The following USH2A variants were observed in gnomAD, a reference collection of about 807,000 sequenced individuals.
The protein encoded by USH2A is Usher syndrome 2A (autosomal recessive, mild).
A neutral mutation model predicts 538.9 loss-of-function variants in USH2A; 443 were observed. The observed-to-expected ratio is 0.82, with a 90% CI of 0.76 to 0.89. USH2A has a LOEUF of 0.89. Among genes scored for constraint, USH2A ranks in the 40% least tolerant of loss-of-function variants. The probability of loss-of-function intolerance (pLI) is 0.00; values close to 1 mark genes in which losing one functional copy is unlikely to be tolerated. For synonymous variants in USH2A, 2,413 were observed against 2,273.5 expected, an observed-to-expected ratio of 1.06 and a Z score of -1.75; for missense variants, 6,633 against 6,324.8, an observed-to-expected ratio of 1.05 and a Z score of -1.65.
chr1:216,140,091 T>C (rs558847922), intron 21 of USH2A, among the ~76,000 whole-genome samples: 1 of 152,340 alleles, frequency 6.6e-6, no homozygotes, highest in Non-Finnish European at 1.5e-5. Context: ...CCTTATCAAA[T>C]GTGGCTAAAG....
intron 32 of USH2A, among the ~76,000 whole-genome samples, chr1:216,010,333 C>T (rs1668528755): frequency 6.6e-6 from 1 of 152,146 alleles, no homozygotes; most frequent in Admixed American, 6.5e-5. Flanking sequence ...CCCAGGATTC[C>T]TCCTAAGCCA....
chr1:216,166,204 A>G (rs1388070451), intron 21 of USH2A, among the ~76,000 whole-genome samples: 1 of 152,080 alleles, frequency 6.6e-6, no homozygotes. Flanking sequence ...CATGATGAGT[A>G]GCAATTAGCC....
intron 50 of USH2A, among the ~76,000 whole-genome samples, chr1:215,794,932 A>G (rs1333404704): frequency 2.0e-5 from 3 of 152,236 alleles, no homozygotes; most frequent in Non-Finnish European, 1.5e-5. Flanking sequence ...AAAAGATTCA[A>G]AAGGAAAACA....
intron 32 of USH2A, 147 bp downstream of exon 32, chr1:216,046,284 T>C (rs2030517185): frequency 1.3e-6 from 1 of 798,812 alleles, no homozygotes; most frequent in African/African-American, 1.7e-5. Flanking sequence ...TTTTTAATTG[T>C]TCTGTTGTTA....
intron 56 of USH2A, among the ~76,000 whole-genome samples, chr1:215,760,446 T>G (rs1328283105): frequency 6.6e-6 from 1 of 152,102 alleles, no homozygotes; most frequent in Non-Finnish European, 1.5e-5. Flanking sequence ...GCTTCCCAGG[T>G]GATCTTCATT....
At chr1:216,201,335 G>GA (rs775305461) in intron 16 of USH2A, among the ~76,000 whole-genome samples, 75 of 148,458 alleles carry the variant, frequency 5.1e-4, no homozygotes, top group Non-Finnish European at 1.0e-3. Flanking sequence ...TGAAGACAGG[G>GA]TCTGACTTTG....
At chr1:215,627,337 T>C (rs1219679375) in intron 71 of USH2A, among the ~76,000 whole-genome samples, 2 of 151,536 alleles carry the variant, frequency 1.3e-5, no homozygotes, top group East Asian at 3.9e-4. Context: ...TCCTAGCTGG[T>C]TATGTTTCTT....
rs1558243457 is a variant in USH2A at position 216,073,128 on chromosome 1, ACT to A, written c.5743_5744del (p.Ser1915CysfsTer21). On this transcript the variant is annotated frameshift_variant, in exon 28 of 72. Coordinates refer to ENST00000307340, the MANE Select transcript of USH2A (RefSeq NM_206933.4). LOFTEE classifies it high-confidence loss of function. ...SILVYQGKEQ[S>X]VYEGGLQPFT... ...AAGGCTGGAGACCACCCTCGTAAACACTCTGCTCTTTTCCCTGGTAAACCAGG... is the reference window on the plus strand; with the variant it reads ...AAGGCTGGAGACCACCCTCGTAAACACTGCTCTTTTCCCTGGTAAACCAGG... 6.2e-7 allele frequency: 1 copy of A among 1,613,732 alleles called. No homozygotes were observed. Among genetic ancestry groups the A allele is most frequent in the East Asian group, 2.2e-5 (1 of 44,844 alleles).
chr1:215,985,418 G>A (rs911458122), intron 35 of USH2A, among the ~76,000 whole-genome samples: 5 of 152,062 alleles, frequency 3.3e-5, no homozygotes, highest in Non-Finnish European at 5.9e-5. Flanking sequence ...GAATAAAACC[G>A]TGAATTTTTG....
chr1:216,144,045 A>G (rs2033648338), intron 21 of USH2A, among the ~76,000 whole-genome samples: 3 of 152,232 alleles, frequency 2.0e-5, no homozygotes, highest in African/African-American at 7.2e-5. Context: ...ACAGATCAAC[A>G]GATTGGATTT....
chr1:215,996,603 A>G (rs1668150176), intron 34 of USH2A, among the ~76,000 whole-genome samples: 4 of 90,668 alleles, frequency 4.4e-5, no homozygotes, highest in African/African-American at 9.2e-5. Context: ...TTTGCAGTGG[A>G]AAGAGTATGT....
chr1:215,803,984 T>C (rs554244654), intron 49 of USH2A, among the ~76,000 whole-genome samples: 1 of 152,052 alleles, frequency 6.6e-6, no homozygotes, highest in African/African-American at 2.4e-5. Flanking sequence ...ATGCCACATA[T>C]CTACAACTAT....
chr1:216,283,382 G>A (rs557207370), intron 11 of USH2A, among the ~76,000 whole-genome samples: 4 of 152,258 alleles, frequency 2.6e-5, no homozygotes, highest in Admixed American at 6.5e-5. Flanking sequence ...GAGCCACCGC[G>A]CCCAGCCTGA....
intron 19 of USH2A, among the ~76,000 whole-genome samples, chr1:216,195,261 A>G (rs913311290): frequency 6.6e-6 from 1 of 152,156 alleles, no homozygotes; most frequent in Non-Finnish European, 1.5e-5. Context: ...AAAAGCCGTA[A>G]TACATTGTGC....
In USH2A at chr1:216,246,542, G is replaced by T. The variant is rs761828882; in HGVS notation, c.2809+43C>A. On this transcript the variant is annotated intron_variant, in intron 13 of 71. Transcript: ENST00000307340. ...GAGAAGTTACCTAAGTTAACAAAAG[G>T]AATGTCATTGTGCACTGAAAATGTA... 174 of 1,613,330 alleles carry T rather than the reference G, an allele frequency of 1.1e-4. No individual in the cohort carries two copies. In the South Asian group the frequency reaches 1.7e-3, roughly 16 times the overall value.
intron 21 of USH2A, among the ~76,000 whole-genome samples, chr1:216,112,640 T>C (rs2032903246): frequency 6.6e-6 from 1 of 152,096 alleles, no homozygotes; most frequent in African/African-American, 2.4e-5. Context: ...TAGACCCCAG[T>C]GTCTGTTGTT....
intron 32 of USH2A, among the ~76,000 whole-genome samples, chr1:216,022,260 A>G (rs1668860828): frequency 6.6e-6 from 1 of 152,126 alleles, no homozygotes; most frequent in Non-Finnish European, 1.5e-5. Context: ...CCAGGCTACC[A>G]GCAGCATACT....
chr1:216,285,653 G>A (rs2036867975), intron 11 of USH2A, among the ~76,000 whole-genome samples: 4 of 152,160 alleles, frequency 2.6e-5, no homozygotes, highest in South Asian at 4.1e-4. Context: ...ACCTTGCATC[G>A]TGTGCCTGGA....
intron 4 of USH2A, among the ~76,000 whole-genome samples, chr1:216,336,810 G>GA (rs2037983541): frequency 1.3e-5 from 2 of 151,372 alleles, no homozygotes; most frequent in Admixed American, 1.3e-4. Flanking sequence ...AATATAGCTA[G>GA]AAAAAATTAC....
Sources: allele counts gnomAD v4.1 joint callset (sites outside exome capture counted in the v4.1 genomes callset), GRCh38; gene constraint gnomAD v4.1.1; transcripts MANE v1.5; gene names NCBI Gene and HGNC (gene_info 2026-07-23, HGNC 2026-07-21).